CNTN3: variants seen among roughly 807,000 people sequenced by gnomAD.
CNTN3 encodes the protein contactin-3.
A neutral mutation model predicts 119.1 loss-of-function variants in CNTN3; 60 were observed. The observed-to-expected ratio is 0.50, with a 90% CI of 0.41 to 0.62. The LOEUF (loss-of-function observed/expected upper bound fraction) is 0.62, where lower values mean the gene tolerates loss of function less well. CNTN3 is among the 20% of genes least tolerant of loss of function. The pLI is 0.00. For synonymous variants in CNTN3, 450 were observed against 438.7 expected, an observed-to-expected ratio of 1.03 and a Z score of -0.32; for missense variants, 1,101 against 1,242.4, an observed-to-expected ratio of 0.89 and a Z score of 1.71.
intron 1 of CNTN3, among the ~76,000 whole-genome samples, chr3:74,531,364 G>A (rs1242745502): frequency 6.6e-6 from 1 of 151,916 alleles, no homozygotes. Flanking sequence ...CTGACTTAGG[G>A]TTACATCTCA....
chr3:74,514,167 G>T (rs964953400), intron 2 of CNTN3, among the ~76,000 whole-genome samples: 5 of 152,030 alleles, frequency 3.3e-5, no homozygotes, highest in African/African-American at 1.2e-4. Context: ...CATGTGCATA[G>T]TGAGATCACA....
At chr3:74,489,771 T>C (rs1326858049) in intron 3 of CNTN3, among the ~76,000 whole-genome samples, 1 of 152,102 alleles carries the variant, frequency 6.6e-6, no homozygotes, top group Non-Finnish European at 1.5e-5. Context: ...GAAAATTACC[T>C]AACACCCCTG....
At chr3:74,328,120 AT>A (rs1324181482) in intron 13 of CNTN3, among the ~76,000 whole-genome samples, 2 of 151,780 alleles carry the variant, frequency 1.3e-5, no homozygotes, top group Admixed American at 6.6e-5. Context: ...CTGTAGGATT[AT>A]TTTTTTCATA....
chr3:74,600,958 A>G (rs564434950), intron 1 of CNTN3, among the ~76,000 whole-genome samples: 19 of 152,092 alleles, frequency 1.2e-4, no homozygotes, highest in South Asian at 6.2e-4. Flanking sequence ...TTCTTTTAGC[A>G]TACAGCATCT....
chr3:74,552,045 T>C (rs1704000131), intron 1 of CNTN3, among the ~76,000 whole-genome samples: 1 of 152,160 alleles, frequency 6.6e-6, no homozygotes, highest in Non-Finnish European at 1.5e-5. Context: ...ATTACAGGTG[T>C]GAGCCACTGC....
chr3:74,465,064 GC>G (rs961576144), intron 4 of CNTN3, among the ~76,000 whole-genome samples: 1 of 152,102 alleles, frequency 6.6e-6, no homozygotes, highest in African/African-American at 2.4e-5. Flanking sequence ...TATGTACCTT[GC>G]TTTAATATTT....
At chr3:74,407,554 T>C (rs993444500) in intron 5 of CNTN3, among the ~76,000 whole-genome samples, 1 of 151,180 alleles carries the variant, frequency 6.6e-6, no homozygotes, top group African/African-American at 2.4e-5. Flanking sequence ...ATTACAAGTG[T>C]GAGCCACCGC....
intron 20 of CNTN3, among the ~76,000 whole-genome samples, chr3:74,280,987 T>C (rs1406363476): frequency 6.6e-6 from 1 of 152,060 alleles, no homozygotes; most frequent in East Asian, 1.9e-4. Flanking sequence ...TATGTGGGTA[T>C]CTGGAGGAAG....
intron 13 of CNTN3, among the ~76,000 whole-genome samples, chr3:74,323,831 T>C (rs982634405): frequency 3.9e-5 from 6 of 152,198 alleles, no homozygotes; most frequent in Non-Finnish European, 7.3e-5. Context: ...AATTATAAAC[T>C]GCAGCTCTTT....
At chr3:74,332,415 A>G (rs536191574) in intron 13 of CNTN3, among the ~76,000 whole-genome samples, 44 of 152,390 alleles carry the variant, frequency 2.9e-4, no homozygotes, top group Non-Finnish European at 4.1e-4. Context: ...GAGAAAGAAC[A>G]GAATTGGCAA....
chr3:74,525,567 T>C (rs1438013201), intron 1 of CNTN3, among the ~76,000 whole-genome samples: 2 of 151,904 alleles, frequency 1.3e-5, no homozygotes, highest in African/African-American at 4.8e-5. Flanking sequence ...TATCATCTGC[T>C]ACAATAAGAA....
intron 1 of CNTN3, among the ~76,000 whole-genome samples, chr3:74,523,633 G>A (rs559901052): frequency 6.6e-6 from 1 of 151,990 alleles, no homozygotes; most frequent in African/African-American, 2.4e-5. Flanking sequence ...AGAATAGGTA[G>A]TTGGGAATTT....
intron 1 of CNTN3, among the ~76,000 whole-genome samples, chr3:74,581,634 T>C (rs1704511018): frequency 6.6e-6 from 1 of 152,202 alleles, no homozygotes; most frequent in Non-Finnish European, 1.5e-5. Flanking sequence ...CTAAAATGTA[T>C]GTGGAACTGC....
intron 7 of CNTN3, 88 bp from the exon 8 acceptor site, chr3:74,369,461 C>A: frequency 9.2e-7 from 1 of 1,083,468 alleles, no homozygotes; most frequent in Non-Finnish European, 1.3e-6. Flanking sequence ...AACAAGAAGG[C>A]ACAGGATTTT....
At chr3:74,584,512 T>C (rs1704563115) in intron 1 of CNTN3, among the ~76,000 whole-genome samples, 1 of 151,978 alleles carries the variant, frequency 6.6e-6, no homozygotes, top group African/African-American at 2.4e-5. Context: ...TGCTCCCCTT[T>C]CCCTTGTGTC....
intron 1 of CNTN3, among the ~76,000 whole-genome samples, chr3:74,545,853 T>G (rs192715294): frequency 6.6e-6 from 1 of 152,322 alleles, no homozygotes; most frequent in African/African-American, 2.4e-5. Context: ...TGATCCTAAG[T>G]AGTCTACACT....
At chr3:74,557,298 GA>G (rs1169340242) in intron 1 of CNTN3, among the ~76,000 whole-genome samples, 1 of 152,062 alleles carries the variant, frequency 6.6e-6, no homozygotes, top group Non-Finnish European at 1.5e-5. Context: ...AATCCATTTT[GA>G]AATAATTTGG....
chr3:74,508,643 A>G (rs1357620241), intron 2 of CNTN3, among the ~76,000 whole-genome samples: 2 of 146,914 alleles, frequency 1.4e-5, no homozygotes, highest in Non-Finnish European at 3.0e-5. Flanking sequence ...TGCATGCTGG[A>G]CTGTTAACTT....
At chr3:74,344,111 C>CA (rs1703616124) in intron 11 of CNTN3, among the ~76,000 whole-genome samples, 1 of 152,154 alleles carries the variant, frequency 6.6e-6, no homozygotes, top group South Asian at 2.1e-4. Flanking sequence ...CTAGAGTTCA[C>CA]AAACCCTTAA....
Sources: allele counts gnomAD v4.1 joint callset (sites outside exome capture counted in the v4.1 genomes callset), GRCh38; gene constraint gnomAD v4.1.1; transcripts MANE v1.5; gene names NCBI Gene and HGNC (gene_info 2026-07-23, HGNC 2026-07-21).